The following PANK2 variants were observed in gnomAD, a reference collection of about 807,000 sequenced individuals.
The protein encoded by PANK2 is pantothenate kinase 2, also known as pantothenate kinase 2, mitochondrial.
PANK2 carries 36 observed loss-of-function variants against 43.1 expected under a neutral mutation model. The ratio of observed to expected loss-of-function variants is 0.84; its 90% CI spans 0.64 to 1.10. PANK2 has a LOEUF of 1.10. PANK2 is among the 50% of genes least tolerant of loss of function. The pLI is 0.00. For synonymous variants in PANK2, 281 were observed against 238.2 expected (o/e 1.18, Z -1.66); for missense variants, 576 against 593.3 (o/e 0.97, Z 0.30).
At chr20:3,914,188 G>A (rs959428067) in intron 4 of PANK2, among the ~76,000 whole-genome samples, 4 of 152,002 alleles carry the variant, frequency 2.6e-5, no homozygotes, top group African/African-American at 9.7e-5. Context: ...CTGCTACACT[G>A]TTTTCCAAAG....
chr20:3,889,599 G>A lies in PANK2; in HGVS notation c.169G>A (p.Ala57Thr). Residue 57 changes from alanine (A) to threonine (T), a missense_variant, in exon 1 of 7, where the codon GCG becomes ACG. By Grantham distance (58) the Ala-to-Thr change is moderately conservative. This residue lies in a region of PANK2 where 544 missense variants were observed against 528.9 expected (regional missense o/e 1.03). Transcript: ENST00000610179. ...GCGGCAGGAGCCACTGCGGCGCCGG[G>A]CGAGCAGCGCGTCGGTGCCCGCGGT... 1 of 1,515,478 alleles carries A rather than the reference G, an allele frequency of 6.6e-7. No individual in the cohort carries two copies. Among genetic ancestry groups the A allele is most frequent in the Non-Finnish European group, 8.8e-7 (1 of 1,139,336 alleles). The allele number at this position is 1,515,478 out of a possible 1,614,324, so 93.9% of individuals were successfully genotyped here.
At position 3,889,802 on chromosome 20, in the gene PANK2, C is replaced by T. The variant is rs2090086736; in HGVS notation, c.298+74C>T. 2.6e-6 allele frequency: 4 copies of T among 1,546,490 alleles called. No individual in the cohort carries two copies. The Admixed American group carries it at 7.6e-5, about 29-fold the overall frequency. On this transcript the variant is annotated intron_variant, in intron 1 of 6. Coordinates refer to ENST00000610179, the MANE Select transcript of PANK2 (RefSeq NM_001386393.1). ...GGCCCACCCTGTCCCCTTCCGGCCCCGCCGCCGTTTTTCCCGCGCGCGGAC... is the reference window on the plus strand; with the variant it reads ...GGCCCACCCTGTCCCCTTCCGGCCCTGCCGCCGTTTTTCCCGCGCGCGGAC...
intron 4 of PANK2, among the ~76,000 whole-genome samples, chr20:3,914,091 CA>C (rs2090521801): frequency 6.6e-6 from 1 of 150,616 alleles, no homozygotes; most frequent in Non-Finnish European, 1.5e-5. Context: ...GCCTGGCCTG[CA>C]CATATATTTC....
intron 1 of PANK2, among the ~76,000 whole-genome samples, chr20:3,901,963 A>G (rs771359271): frequency 6.6e-6 from 1 of 151,918 alleles, no homozygotes; most frequent in Non-Finnish European, 1.5e-5. Flanking sequence ...ATGTATCTTT[A>G]TAGGAATTCA....
At position 3,889,561 on chromosome 20, in the gene PANK2, A is replaced by G. The variant is rs1285067018; in HGVS notation, c.131A>G (p.Asp44Gly). 1.4e-6 allele frequency: 2 copies of G among 1,433,190 alleles called. No homozygotes were observed. Among genetic ancestry groups the G allele is most frequent in the Non-Finnish European group, 1.8e-6 (2 of 1,104,322 alleles). 88.8% of individuals were successfully genotyped at this position (1,433,190 alleles called of 1,614,324 possible). Reference sequence around the variant, plus strand: ...TCGGCTGGGGAGCAGGCGGCCGGGGACCCCGAAGGGCGGCGGCAGGAGCCA... The same window carrying G: ...TCGGCTGGGGAGCAGGCGGCCGGGGGCCCCGAAGGGCGGCGGCAGGAGCCA... Residue 44 changes from aspartate to glycine, a missense_variant, in exon 1 of 7, where the codon GAC (aspartate) becomes GGC (glycine). By Grantham distance (94) the Asp-to-Gly change is moderately conservative (BLOSUM62 -1). This residue lies in a region of PANK2 where 544 missense variants were observed against 528.9 expected (regional missense o/e 1.03). Coordinates refer to ENST00000610179, the MANE Select transcript of PANK2 (RefSeq NM_001386393.1).
upstream of PANK2, chr20:3,889,361 AGGC>A (rs757218614): frequency 3.2e-6 from 5 of 1,580,180 alleles, no homozygotes; most frequent in East Asian, 1.2e-4. Context: ...GCAACGGAAG[AGGC>A]GGCCGGCCGA....
chr20:3,897,532 C>T (rs187488728), intron 1 of PANK2, among the ~76,000 whole-genome samples: 1 of 151,894 alleles, frequency 6.6e-6, no homozygotes, highest in East Asian at 1.9e-4. Context: ...GAAACCTCGT[C>T]TCTACAAAAA....
At chr20:3,914,116 T>TA (rs1178992509) in intron 4 of PANK2, among the ~76,000 whole-genome samples, 1 of 151,454 alleles carries the variant, frequency 6.6e-6, no homozygotes, top group Non-Finnish European at 1.5e-5. Context: ...TTCTATTGGG[T>TA]ATATACCTGA....
Position 3,923,324 on chromosome 20 carries a change from T to C in PANK2, c.*30T>C. ...TACCTGGGGAGGGGTTCCTGAAACC[T>C]TCCACAATGGGATCTGTGGACTTTC... On this transcript the variant is annotated 3_prime_UTR_variant, in exon 7 of 7. Transcript: ENST00000610179. 1 of 1,609,776 alleles carries C rather than the reference T, an allele frequency of 6.2e-7. No homozygotes were observed. The highest frequency in any genetic ancestry group is 8.5e-7 in the Non-Finnish European group (1 of 1,176,010).
intron 2 of PANK2, 121 bp from the exon 3 acceptor site, chr20:3,910,456 T>C: frequency 8.8e-7 from 1 of 1,134,288 alleles, no homozygotes; most frequent in Non-Finnish European, 1.3e-6. Flanking sequence ...CATGCACAAA[T>C]AATACACATC....
chr20:3,891,564 TTC>T (rs2090123324), intron 1 of PANK2, among the ~76,000 whole-genome samples: 1 of 152,366 alleles, frequency 6.6e-6, no homozygotes, highest in African/African-American at 2.4e-5. Context: ...ATTATTTACG[TTC>T]TGTTAGTTAT....
chr20:3,909,134 C>G (rs926645682), intron 2 of PANK2, among the ~76,000 whole-genome samples: 1 of 152,126 alleles, frequency 6.6e-6, no homozygotes, highest in African/African-American at 2.4e-5. Context: ...TTCTTGTTCC[C>G]AGGCTGGAAT....
At chr20:3,913,521 T>G (rs1321706219) in intron 4 of PANK2, among the ~76,000 whole-genome samples, 1 of 151,892 alleles carries the variant, frequency 6.6e-6, no homozygotes, top group East Asian at 1.9e-4. Flanking sequence ...TTTTGTATTT[T>G]TTAGTAGGGA....
chr20:3,922,253 C>T (rs935403246), intron 6 of PANK2, among the ~76,000 whole-genome samples: 2 of 152,206 alleles, frequency 1.3e-5, no homozygotes, highest in African/African-American at 4.8e-5. Context: ...GATTCTGCAT[C>T]GTTTTAGGAT....
chr20:3,910,461 C>G, intron 2 of PANK2, 116 bp from the exon 3 acceptor site: 1 of 1,155,240 alleles, frequency 8.7e-7, no homozygotes, highest in Non-Finnish European at 1.3e-6. Context: ...ACAAATAATA[C>G]ACATCTGTGA....
rs773154597 is a variant in PANK2, at chr20:3,889,595, C to T, written c.165C>T (p.Arg55=). The T allele has an allele frequency of 1.9e-5, 28 of 1,505,906 alleles. No individual in the cohort carries two copies. The East Asian group carries it at 7.2e-4, about 39-fold the overall frequency. The allele number at this position is 1,505,906 out of a possible 1,614,324, so 93.3% of individuals were successfully genotyped here. The change falls in exon 1 of 7, where the codon CGC becomes CGT. Residue 55 remains arginine, a synonymous_variant. Transcript: ENST00000610179. ...GGCGGCGGCAGGAGCCACTGCGGCG[C>T]CGGGCGAGCAGCGCGTCGGTGCCCG...
chr20:3,923,542 A>G lies in PANK2; in HGVS notation c.*248A>G, dbSNP rs2090679637. On this transcript the variant is annotated 3_prime_UTR_variant, in exon 7 of 7. Transcript: ENST00000610179. The stretch of plus-strand genomic sequence containing the variant: ...CAGGCAGTGTGAGGATTTGCTGTAT[A>G]TAAGTTGCCTGCTTTGTATTTTTGA... 3.6e-6 allele frequency: 2 copies of G among 562,660 alleles called. No individual in the cohort carries two copies. Among genetic ancestry groups the G allele is most frequent in the Admixed American group, 3.1e-5 (1 of 32,764 alleles). 34.9% of individuals were successfully genotyped at this position (562,660 alleles called of 1,614,324 possible).
intron 1 of PANK2, among the ~76,000 whole-genome samples, chr20:3,905,791 C>T (rs1449389537): frequency 1.4e-5 from 2 of 147,922 alleles, no homozygotes; most frequent in Non-Finnish European, 3.0e-5. Flanking sequence ...TCTTGGCTCA[C>T]TGAAACCTCC....
intron 1 of PANK2, among the ~76,000 whole-genome samples, chr20:3,905,626 C>T (rs1041926933): frequency 7.9e-5 from 12 of 151,330 alleles, no homozygotes; most frequent in African/African-American, 2.2e-4. Flanking sequence ...GGATTACAGG[C>T]GTGAGCCACC....
Sources: gnomAD v4.1 joint callset for allele counts (sites outside exome capture counted in the v4.1 genomes callset) on GRCh38, gnomAD v4.1.1 for gene constraint, gnomAD v4.1.1 regional missense constraint, MANE v1.5 for transcripts, NCBI Gene and HGNC (gene_info 2026-07-23, HGNC 2026-07-21) for gene names.